NAALADL2: variants seen among roughly 807,000 people sequenced by gnomAD.
The protein encoded by NAALADL2 is N-acetylated alpha-linked acidic dipeptidase like 2.
In NAALADL2, 76 loss-of-function variants were observed where a neutral mutation model predicts 87.2. The ratio of observed to expected loss-of-function variants is 0.87; its 90% CI spans 0.72 to 1.05. The LOEUF is 1.05. Among genes scored for constraint, NAALADL2 ranks in the 50% least tolerant of loss-of-function variants. NAALADL2 has a pLI of 0.00. For missense variants in NAALADL2, 1,089 were observed against 945.8 expected (o/e 1.15, Z -1.99); for synonymous variants, 354 against 331.0 (o/e 1.07, Z -0.75).
chr3:174,525,598 A>G (rs1020765946), intron 1 of NAALADL2, among the ~76,000 whole-genome samples: 2 of 152,190 alleles, frequency 1.3e-5, no homozygotes, highest in African/African-American at 4.8e-5. Context: ...CACATTTTAC[A>G]GTAAGATTTG....
chr3:175,176,578 G>A (rs960328119), intron 2 of NAALADL2, among the ~76,000 whole-genome samples: 1 of 152,074 alleles, frequency 6.6e-6, no homozygotes, highest in Non-Finnish European at 1.5e-5. Context: ...ATTTTGAAAA[G>A]GGGAGATTGT....
At chr3:175,717,699 AAAAAG>A (rs1355538184) in intron 11 of NAALADL2, among the ~76,000 whole-genome samples, 8 of 151,800 alleles carry the variant, frequency 5.3e-5, no homozygotes, top group Non-Finnish European at 8.8e-5. Context: ...TCCAAAAAAA[AAAAAG>A]AAAAGAGAAA....
intron 1 of NAALADL2, among the ~76,000 whole-genome samples, chr3:174,508,114 G>GTTTTTTTTTTTTTGTTTTTTTTTTTTTTT (rs57393523): frequency 1.9e-5 from 2 of 103,884 alleles, no homozygotes; most frequent in African/African-American, 3.6e-5. Context: ...ATATCTAGTG[G>GTTTTTTTTTTTTTGTTTTTTTTTTTTTTT]TTTTTTTTTT....
chr3:175,158,181 G>A (rs528989175), intron 2 of NAALADL2, among the ~76,000 whole-genome samples: 54 of 152,132 alleles, frequency 3.5e-4, no homozygotes, highest in African/African-American at 1.2e-3. Flanking sequence ...GGTACACTCA[G>A]AGTCTAGCTA....
chr3:174,693,305 TC>T (rs1033766097), intron 2 of NAALADL2, among the ~76,000 whole-genome samples: 6 of 152,204 alleles, frequency 3.9e-5, no homozygotes, highest in Non-Finnish European at 5.9e-5. Context: ...TGTCAAACTT[TC>T]AAATGTTTTA....
chr3:175,343,659 T>TTTTTTG (rs1388540377), intron 5 of NAALADL2, among the ~76,000 whole-genome samples: 4 of 135,138 alleles, frequency 3.0e-5, no homozygotes, highest in African/African-American at 8.8e-5. Context: ...GATCATGTTT[T>TTTTTTG]TTTTTTTTTT....
Position 175,487,223 on chromosome 3 carries a change from T to C in NAALADL2, c.1653+15465T>C, listed in dbSNP as rs115449235. On this transcript the variant is annotated intron_variant, in intron 9 of 13. Transcript: ENST00000454872. ...GACCCACCTCATCTACCTTCTGTAA[T>C]TTGCAATCCCCACTGCACCCAAGCA... Among the ~76,000 whole-genome samples the C allele has an allele frequency of 1.8e-3, 274 of 152,266 alleles. 1 individual carries two copies. Among genetic ancestry groups the C allele is most frequent in the Middle Eastern group, 0.017 (5 of 294 alleles).
chr3:175,619,543 A>G (rs1021522922), intron 10 of NAALADL2, among the ~76,000 whole-genome samples: 22 of 151,668 alleles, frequency 1.5e-4, no homozygotes, highest in Non-Finnish European at 3.1e-4. Flanking sequence ...GCTCTATGCT[A>G]ATGGATTTTT....
intron 11 of NAALADL2, among the ~76,000 whole-genome samples, chr3:175,725,109 G>A (rs1461713450): frequency 6.6e-6 from 1 of 151,980 alleles, no homozygotes; most frequent in Non-Finnish European, 1.5e-5. Context: ...TCAGCATTAT[G>A]ACCTGAAAAT....
intron 1 of NAALADL2, among the ~76,000 whole-genome samples, chr3:174,882,556 T>C (rs1729381789): frequency 6.9e-6 from 1 of 145,150 alleles, no homozygotes; most frequent in Admixed American, 6.7e-5. Context: ...TATGTACATA[T>C]GTGTATATAT....
intron 2 of NAALADL2, among the ~76,000 whole-genome samples, chr3:175,205,089 A>G: frequency 6.6e-6 from 1 of 152,184 alleles, no homozygotes. Context: ...TCTTCAAAGA[A>G]CTAGAAAAAA....
intron 3 of NAALADL2, among the ~76,000 whole-genome samples, chr3:174,851,211 G>A (rs1399681040): frequency 6.6e-6 from 1 of 151,670 alleles, no homozygotes; most frequent in Non-Finnish European, 1.5e-5. Flanking sequence ...AGAAATGCAA[G>A]GGCAACCAAA....
chr3:174,889,996 A>G (rs2109783826), intron 1 of NAALADL2, among the ~76,000 whole-genome samples: 1 of 152,284 alleles, frequency 6.6e-6, no homozygotes, highest in Admixed American at 6.5e-5. Flanking sequence ...TAAGTAGAGA[A>G]GTTCGCTGTA....
At chr3:175,622,064 G>A (rs1173688166) in intron 10 of NAALADL2, among the ~76,000 whole-genome samples, 3 of 152,012 alleles carry the variant, frequency 2.0e-5, no homozygotes, top group Non-Finnish European at 2.9e-5. Flanking sequence ...AAGAATTAAA[G>A]GATAACAATA....
chr3:174,675,465 T>C (rs1726959877), intron 2 of NAALADL2, among the ~76,000 whole-genome samples: 1 of 152,072 alleles, frequency 6.6e-6, no homozygotes, highest in Admixed American at 6.6e-5. Flanking sequence ...TTAAATAAGG[T>C]TCCTCGCTTG....
At chr3:174,603,790 G>A (rs1253685970) in intron 2 of NAALADL2, among the ~76,000 whole-genome samples, 5 of 151,768 alleles carry the variant, frequency 3.3e-5, no homozygotes, top group African/African-American at 9.7e-5. Flanking sequence ...ATTATCATTT[G>A]TTTCAAGAAT....
intron 9 of NAALADL2, among the ~76,000 whole-genome samples, chr3:175,476,763 C>T (rs1582052010): frequency 6.6e-6 from 1 of 151,322 alleles, no homozygotes; most frequent in Non-Finnish European, 1.5e-5. Flanking sequence ...TATTGTTTTA[C>T]CTTCTGACTG....
chr3:174,870,335 A>C (rs2109605217), intron 1 of NAALADL2, among the ~76,000 whole-genome samples: 1 of 152,238 alleles, frequency 6.6e-6, no homozygotes, highest in East Asian at 1.9e-4. Context: ...CACTGCCCAT[A>C]AATTTTGATA....
chr3:175,439,210 G>C (rs773033261), intron 5 of NAALADL2, among the ~76,000 whole-genome samples: 2 of 151,968 alleles, frequency 1.3e-5, no homozygotes, highest in Non-Finnish European at 2.9e-5. Context: ...GTAGTATTCC[G>C]TGGTATACAC....
Sources: allele counts gnomAD v4.1 joint callset (sites outside exome capture counted in the v4.1 genomes callset), GRCh38; gene constraint gnomAD v4.1.1; transcripts MANE v1.5; gene names NCBI Gene and HGNC (gene_info 2026-07-23, HGNC 2026-07-21).